The following TMEM184B variants were observed in gnomAD, a reference collection of about 807,000 sequenced individuals.
TMEM184B encodes the protein putative MAPK-activating protein FM08.
TMEM184B carries 17 observed loss-of-function variants against 41.8 expected under a neutral mutation model. The ratio of observed to expected loss-of-function variants is 0.41; its 90% confidence interval spans 0.28 to 0.61. The LOEUF (loss-of-function observed/expected upper bound fraction) is 0.61, where lower values mean the gene tolerates loss of function less well. Among genes scored for constraint, TMEM184B ranks in the 20% least tolerant of loss-of-function variants. The probability of loss-of-function intolerance (pLI) is 0.34; values close to 1 mark genes in which losing one functional copy is unlikely to be tolerated. For synonymous variants in TMEM184B, 240 were observed against 229.5 expected (o/e 1.05, Z -0.41); for missense variants, 393 against 557.8 (o/e 0.70, Z 2.98).
chr22:38,221,874 G>A, intron 8 of TMEM184B, 164 bp from the exon 9 acceptor site: 1 of 1,066,246 alleles, frequency 9.4e-7, no homozygotes, highest in Non-Finnish European at 1.3e-6. Flanking sequence ...TATGAGAAGG[G>A]GCAGGAAAAA....
At chr22:38,246,426 A>G (rs944112031) in intron 2 of TMEM184B, among the ~76,000 whole-genome samples, 6 of 152,198 alleles carry the variant, frequency 3.9e-5, no homozygotes, top group African/African-American at 1.4e-4. Context: ...AGTTTCCACA[A>G]GCTCCCCAGG....
chr22:38,266,254 C>G (rs114417421), intron 1 of TMEM184B, among the ~76,000 whole-genome samples: 2,070 of 152,362 alleles, frequency 0.014, 62 homozygotes, highest in African/African-American at 0.047. Flanking sequence ...GCAACAGGCA[C>G]ACGTGCTTCC....
chr22:38,269,400 G>C (rs1002297585), intron 1 of TMEM184B, among the ~76,000 whole-genome samples: 1 of 152,118 alleles, frequency 6.6e-6, no homozygotes, highest in Non-Finnish European at 1.5e-5. Context: ...TTTTTTAGTA[G>C]AGACTGGGTT....
chr22:38,239,099 T>C lies in TMEM184B; in HGVS notation c.358+6836A>G, dbSNP rs2091848738. Among the ~76,000 whole-genome samples the C allele has an allele frequency of 6.6e-6, 1 of 152,184 alleles. No homozygotes were observed. The highest frequency in any genetic ancestry group is 2.1e-4 in the South Asian group (1 of 4,824). ...GAACTCCCCAGCACTGTCTCAGAGT[T>C]GTCTTTATGGCCCACCCCCAACCCC... On this transcript the variant is annotated intron_variant, in intron 3 of 8. Coordinates refer to ENST00000361906, the MANE Select transcript of TMEM184B (RefSeq NM_012264.5). This position sits in a 1 kb window ranked among gnomAD's most constrained non-coding sequence, Gnocchi z 4.6.
intron 1 of TMEM184B, chr22:38,272,387 G>A (rs917215490): frequency 7.5e-6 from 6 of 801,360 alleles, no homozygotes; most frequent in Non-Finnish European, 9.1e-6. Flanking sequence ...CTGCGGACCT[G>A]TGTGGCGGGC....
intron 1 of TMEM184B, among the ~76,000 whole-genome samples, chr22:38,259,855 A>G (rs1388932683): frequency 6.6e-6 from 1 of 151,924 alleles, no homozygotes; most frequent in Non-Finnish European, 1.5e-5. Flanking sequence ...GGCTCACTGC[A>G]ACCTCTGCCT....
At chr22:38,263,647 T>A (rs369835846) in intron 1 of TMEM184B, among the ~76,000 whole-genome samples, 1 of 152,196 alleles carries the variant, frequency 6.6e-6, no homozygotes, top group Non-Finnish European at 1.5e-5. Flanking sequence ...TGCACACGTG[T>A]TAACCCATCC....
intron 8 of TMEM184B, chr22:38,222,781 C>G: frequency 1.1e-6 from 1 of 871,620 alleles, no homozygotes; most frequent in Non-Finnish European, 1.4e-6. Flanking sequence ...CGAGGCCCAC[C>G]AGCACGACAC....
intron 8 of TMEM184B, chr22:38,222,770 C>T (rs1045390973): frequency 1.1e-6 from 1 of 932,066 alleles, no homozygotes; most frequent in Non-Finnish European, 1.3e-6. Context: ...GTGCCCACCA[C>T]CGAGGCCCAC....
At chr22:38,250,133 G>A (rs757840192) in intron 1 of TMEM184B, among the ~76,000 whole-genome samples, 2 of 151,922 alleles carry the variant, frequency 1.3e-5, no homozygotes, top group Non-Finnish European at 1.5e-5. Context: ...ATTCAAGTCA[G>A]AATATCCTGA....
chr22:38,263,743 A>G (rs763547485), intron 1 of TMEM184B, among the ~76,000 whole-genome samples: 8 of 152,240 alleles, frequency 5.3e-5, no homozygotes, highest in Non-Finnish European at 8.8e-5. Context: ...GAGGCACAGT[A>G]CATTTAAATT....
chr22:38,237,146 GTAAGGC>G (rs1269012680), intron 3 of TMEM184B, among the ~76,000 whole-genome samples: 2 of 152,232 alleles, frequency 1.3e-5, no homozygotes, highest in Admixed American at 1.3e-4. Flanking sequence ...CCCAGCAGTT[GTAAGGC>G]TCTACATGTT....
At chr22:38,271,846 G>C (rs1045392383) in intron 1 of TMEM184B, among the ~76,000 whole-genome samples, 1 of 152,162 alleles carries the variant, frequency 6.6e-6, no homozygotes, top group African/African-American at 2.4e-5. Flanking sequence ...GTTCTACCAA[G>C]GAAGCTAAAT....
chr22:38,234,257 T>A (rs1347187344), intron 3 of TMEM184B, among the ~76,000 whole-genome samples: 2 of 152,160 alleles, frequency 1.3e-5, no homozygotes, highest in Non-Finnish European at 2.9e-5. Context: ...TGAATGCCTG[T>A]CCTTGCACTC....
At chr22:38,240,902 A>C (rs1328675255) in intron 3 of TMEM184B, among the ~76,000 whole-genome samples, 5 of 152,220 alleles carry the variant, frequency 3.3e-5, no homozygotes, top group Admixed American at 6.5e-5. Context: ...ATTTCCCTTG[A>C]ATACCAATCA....
intron 1 of TMEM184B, among the ~76,000 whole-genome samples, chr22:38,248,322 C>T (rs1456575862): frequency 1.3e-5 from 2 of 152,224 alleles, no homozygotes; most frequent in African/African-American, 4.8e-5. Context: ...AGAGTAAAAA[C>T]CATAGTCCGT....
intron 3 of TMEM184B, among the ~76,000 whole-genome samples, chr22:38,240,477 C>G (rs531584462): frequency 1.3e-5 from 2 of 151,990 alleles, no homozygotes; most frequent in African/African-American, 2.4e-5. Context: ...TAAAGAAAAT[C>G]TGAGGCTCAA....
chr22:38,251,188 A>T (rs577387225), intron 1 of TMEM184B, among the ~76,000 whole-genome samples: 266 of 152,266 alleles, frequency 1.7e-3, no homozygotes, highest in African/African-American at 5.6e-3. Context: ...AGCCCAACCC[A>T]TGCTGGCCAC....
chr22:38,239,818 A>G lies in TMEM184B; in HGVS notation c.358+6117T>C, dbSNP rs938434160. 2.6e-5 allele frequency among the ~76,000 whole-genome samples: 4 copies of G among 152,146 alleles called. No individual in the cohort carries two copies. Among genetic ancestry groups the G allele is most frequent in the African/African-American group, 9.7e-5 (4 of 41,430 alleles). On this transcript the variant is annotated intron_variant, in intron 3 of 8. Coordinates refer to ENST00000361906, the MANE Select transcript of TMEM184B (RefSeq NM_012264.5). The surrounding 1 kb of genome is among the most constrained non-coding windows in gnomAD (Gnocchi z 4.6). ...AGTGTTTTGAGGCAGGAGATGAAAA[A>G]TTATTCTCTACAGAAACAGGTCCCA...
Sources: gnomAD v4.1 joint callset for allele counts (sites outside exome capture counted in the v4.1 genomes callset) on GRCh38, gnomAD v4.1.1 for gene constraint, Gnocchi (gnomAD v3.1) non-coding constraint, MANE v1.5 for transcripts, NCBI Gene and HGNC (gene_info 2026-07-23, HGNC 2026-07-21) for gene names.